The following GPR162 variants were observed in gnomAD, a reference collection of about 807,000 sequenced individuals.
The protein encoded by GPR162 is probable G protein-coupled receptor 162.
A neutral mutation model predicts 44.9 loss-of-function variants in GPR162; 26 were observed. The ratio of observed to expected loss-of-function variants is 0.58; its 90% CI spans 0.42 to 0.80. The LOEUF (loss-of-function observed/expected upper bound fraction) is 0.80. GPR162 is among the 30% of genes least tolerant of loss of function. The probability of loss-of-function intolerance (pLI) is 0.00; values close to 1 mark genes in which losing one functional copy is unlikely to be tolerated. For synonymous variants in GPR162, 363 were observed against 335.2 expected (o/e 1.08, Z -0.91); for missense variants, 704 against 802.3 (o/e 0.88, Z 1.48).
intron 4 of GPR162, 108 bp from the exon 5 acceptor site, chr12:6,826,545 C>G: frequency 8.5e-7 from 1 of 1,178,516 alleles, no homozygotes; most frequent in Non-Finnish European, 1.2e-6. Context: ...CCGGAGCAAA[C>G]GTTTTGAAGG....
chr12:6,823,468 C>T lies in GPR162; in HGVS notation c.-431C>T. The T allele has an allele frequency of 2.4e-6, 1 of 425,052 alleles. No individual in the cohort carries two copies. Among genetic ancestry groups the T allele is most frequent in the Non-Finnish European group, 4.2e-6 (1 of 238,672 alleles). The allele number at this position is 425,052 out of a possible 1,614,324, so 26.3% of individuals were successfully genotyped here. Reference sequence around the variant, plus strand: ...CCCACATCTCATCTTTCCCTTGCAGCCTGTCCAGGGGGCTGAGCCCCACCC... The same window carrying T: ...CCCACATCTCATCTTTCCCTTGCAGTCTGTCCAGGGGGCTGAGCCCCACCC... On this transcript the variant is annotated splice_region_variant and 5_prime_UTR_variant, in exon 2 of 5. Transcript: ENST00000311268.
At position 6,822,817 on chromosome 12, in the gene GPR162, C is replaced by T. The variant is rs1251032332; in HGVS notation, c.-431-651C>T. ...TTCAGATACTACCACTTTGCCCCCT[C>T]TTTCTCTTCTGCTCAAACTCTCCTC... is the stretch of plus-strand genomic sequence containing the variant. On this transcript the variant is annotated intron_variant, in intron 1 of 4. Coordinates refer to ENST00000311268, the MANE Select transcript of GPR162 (RefSeq NM_019858.2). This position sits in a 1 kb window ranked among gnomAD's most constrained non-coding sequence, Gnocchi z 4.2. 6.6e-6 allele frequency among the ~76,000 whole-genome samples: 1 copy of T among 152,108 alleles called. No homozygotes were observed. The highest frequency in any genetic ancestry group is 1.5e-5 in the Non-Finnish European group (1 of 68,022).
At position 6,822,488 on chromosome 12, in the gene GPR162, T is replaced by C. The variant is rs1456001346; in HGVS notation, c.-432+588T>C. On this transcript the variant is annotated intron_variant, in intron 1 of 4. Coordinates refer to ENST00000311268, the MANE Select transcript of GPR162 (RefSeq NM_019858.2). The surrounding 1 kb of genome is among the most constrained non-coding windows in gnomAD (Gnocchi z 4.2). ...TACCCCACTTACCCTAAAGCCATTA[T>C]GTGCTTCCTTACAGCCCCACTCTGT... Among the ~76,000 whole-genome samples the C allele has an allele frequency of 6.6e-6, 1 of 152,162 alleles. No individual in the cohort carries two copies. Among genetic ancestry groups the C allele is most frequent in the Non-Finnish European group, 1.5e-5 (1 of 68,016 alleles).
In GPR162 at chr12:6,824,703, G is replaced by A. The variant is rs782169178; in HGVS notation, c.805G>A (p.Val269Ile). ...GGAGTCTGCCAAGACATCCCTGCAG[G>A]TCACCAACTTGGTCAGCGCCATCGT... ...GSESAKTSLQ[V>I]TNLVSAIVFL... Residue 269 changes from valine to isoleucine, a missense_variant, in exon 2 of 5, where the codon GTC becomes ATC. By Grantham distance (29) the Val-to-Ile change is conservative (BLOSUM62 3). Transcript: ENST00000311268. 8 of 1,613,992 alleles carry A rather than the reference G, an allele frequency of 5.0e-6. No homozygotes were observed. In the East Asian group the frequency reaches 1.8e-4, roughly 36 times the overall value.
chr12:6,823,282 G>A (rs1226432447), intron 1 of GPR162, among the ~76,000 whole-genome samples, 186 bp from the exon 2 acceptor site: 5 of 152,198 alleles, frequency 3.3e-5, no homozygotes, highest in African/African-American at 9.7e-5. Flanking sequence ...GGAAGAGTGC[G>A]GCTCTCATCT....
rs200785572 is a variant in GPR162 at position 6,824,015 on chromosome 12, G to C, written c.117G>C (p.Ser39=). Residue 39 remains serine, a synonymous_variant, in exon 2 of 5, where the codon TCG becomes TCC. Transcript: ENST00000311268. ...LANAWIILSI[S]AKQQKHKPLE... ...ATGCCTGGATCATCCTCAGCATCTC[G>C]GCCAAGCAGCAGAAGCACAAGCCAC... is the stretch of plus-strand genomic sequence containing the variant. The C allele has an allele frequency of 6.2e-7, 1 of 1,609,994 alleles. No individual in the cohort carries two copies. Among genetic ancestry groups the C allele is most frequent in the South Asian group, 1.1e-5 (1 of 91,060 alleles).
intron 4 of GPR162, 47 bp from the exon 5 acceptor site, chr12:6,826,606 C>T (rs1943359760): frequency 1.4e-6 from 2 of 1,476,400 alleles, no homozygotes; most frequent in African/African-American, 1.4e-5. Context: ...CCTGCCTCTG[C>T]CTCTGTCCCT....
In GPR162 at chr12:6,822,953, T is replaced by G. The variant is rs1205299703; in HGVS notation, c.-431-515T>G. 2.0e-5 allele frequency among the ~76,000 whole-genome samples: 3 copies of G among 152,232 alleles called. No individual in the cohort carries two copies. Among genetic ancestry groups the G allele is most frequent in the African/African-American group, 7.2e-5 (3 of 41,460 alleles). ...CGGTCCCAGACTCCTTTCTCCCATT[T>G]TCCCAGATATGGGTAGCTGGAGGGT... On this transcript the variant is annotated intron_variant, in intron 1 of 4. Transcript: ENST00000311268. The surrounding 1 kb of genome is among the most constrained non-coding windows in gnomAD (Gnocchi z 4.2).
chr12:6,826,845 G>A lies in GPR162; in HGVS notation c.1408G>A (p.Glu470Lys). 2 of 1,611,792 alleles carry A rather than the reference G, an allele frequency of 1.2e-6. No homozygotes were observed. The highest frequency in any genetic ancestry group is 1.7e-6 in the Non-Finnish European group (2 of 1,178,806). The change falls in exon 5 of 5, where the codon GAG becomes AAG. Residue 470 changes from glutamate (E) to lysine (K), a missense_variant. Transcript: ENST00000311268. ...GTTGGAGGACGAGGAGGACGAGGAA[G>A]AGGCTGAAGGTGGGGGGCTGGCCAG... ...HRLEDEEDEE[E>K]AEGGGLASLR...
chr12:6,826,590 T>A, intron 4 of GPR162, 63 bp from the exon 5 acceptor site: 3 of 1,426,400 alleles, frequency 2.1e-6, no homozygotes, highest in Non-Finnish European at 2.8e-6. Flanking sequence ...GAGTCCCCAC[T>A]TGGTTCCTGC....
At chr12:6,826,530 GCC>G (rs1284338378) in intron 4 of GPR162, 121 bp from the exon 5 acceptor site, 14 of 1,108,444 alleles carry the variant, frequency 1.3e-5, no homozygotes, top group Non-Finnish European at 1.8e-5. Context: ...GGCCAGGTTT[GCC>G]CACCGGAGCA....
chr12:6,826,716 G>C lies in GPR162; in HGVS notation c.1279G>C (p.Gly427Arg). Reference sequence around the variant, plus strand: ...CATCTTCTCTACCCCTCGGGAACCAGGCTCCTTCCTGCACAAGTGGTCATC... The same window carrying C: ...CATCTTCTCTACCCCTCGGGAACCACGCTCCTTCCTGCACAAGTGGTCATC... ...TNIFSTPREP[G>R]SFLHKWSSSD... The change falls in exon 5 of 5, where the codon GGC becomes CGC. Residue 427 changes from glycine (G) to arginine (R), a missense_variant. Transcript: ENST00000311268. The C allele has an allele frequency of 6.4e-7, 1 of 1,560,646 alleles. No homozygotes were observed.
Position 6,824,569 on chromosome 12 carries a change from G to A in GPR162, c.671G>A (p.Gly224Glu). ...GCCCGGAGAGTGGGGGGTGGTGGGG[G>A]GACCAAAGCGGGTGGGCCAGGGGCC... ...RQARRVGGGG[G>E]TKAGGPGALG... The change falls in exon 2 of 5, where the codon GGG becomes GAG. Residue 224 changes from glycine to glutamate, a missense_variant. This residue lies in a region of GPR162 where 56 missense variants were observed against 47.2 expected (regional missense o/e 1.19). Coordinates refer to ENST00000311268, the MANE Select transcript of GPR162 (RefSeq NM_019858.2). 3 of 1,604,902 alleles carry A rather than the reference G, an allele frequency of 1.9e-6. No individual in the cohort carries two copies. Among genetic ancestry groups the A allele is most frequent in the South Asian group, 2.2e-5 (2 of 89,642 alleles).
In GPR162 at chr12:6,826,728, C is replaced by A. The variant is rs1206983707; in HGVS notation, c.1291C>A (p.His431Asn). The A allele has an allele frequency of 6.3e-7, 1 of 1,580,318 alleles. No homozygotes were observed. Among genetic ancestry groups the A allele is most frequent in the South Asian group, 1.2e-5 (1 of 85,866 alleles). ...CCCTCGGGAACCAGGCTCCTTCCTG[C>A]ACAAGTGGTCATCCTCTGATGACAT... ...STPREPGSFL[H>N]KWSSSDDIRV... The change falls in exon 5 of 5, where the codon CAC (histidine) becomes AAC (asparagine). Residue 431 changes from histidine to asparagine, a missense_variant. By Grantham distance (68) the His-to-Asn change is moderately conservative. Coordinates refer to ENST00000311268, the MANE Select transcript of GPR162 (RefSeq NM_019858.2).
intron 3 of GPR162, 35 bp from the exon 4 acceptor site, chr12:6,826,161 C>G: frequency 1.9e-6 from 3 of 1,592,170 alleles, no homozygotes; most frequent in South Asian, 1.1e-5. Flanking sequence ...TAGGCATTCC[C>G]TACCTGTAAC....
chr12:6,825,735 C>T (rs972174919), intron 3 of GPR162, 62 bp downstream of exon 3: 1 of 1,412,470 alleles, frequency 7.1e-7, no homozygotes, highest in Non-Finnish European at 9.7e-7. Flanking sequence ...TTCTGCCGCT[C>T]CTTCTCAGCC....
At position 6,826,222 on chromosome 12, in the gene GPR162, G is replaced by GGCC. The variant is rs781880279; in HGVS notation, c.1086_1088dup (p.Arg363dup). ...TGGGGGCTGTGACGACTATGCAGAGGGCCGAGTTTGCAAAGTTCGCTTTGA... is the reference window on the plus strand; with the variant it reads ...TGGGGGCTGTGACGACTATGCAGAGGGCCGCCGAGTTTGCAAAGTTCGCTTTGA... On this transcript the variant is annotated inframe_insertion, in exon 4 of 5. Coordinates refer to ENST00000311268, the MANE Select transcript of GPR162 (RefSeq NM_019858.2). 6.2e-7 allele frequency: 1 copy of GGCC among 1,614,014 alleles called. No individual in the cohort carries two copies. Among genetic ancestry groups the GGCC allele is most frequent in the Non-Finnish European group, 8.5e-7 (1 of 1,179,956 alleles).
chr12:6,823,700 G>C lies in GPR162; in HGVS notation c.-199G>C, dbSNP rs1244784404. ...TGAGGATTGCCTCTGCTGACCCTCA[G>C]TCTCCTCCCCTGCCCTCTACATCTG... On this transcript the variant is annotated 5_prime_UTR_variant, in exon 2 of 5. Transcript: ENST00000311268. 43 of 1,536,338 alleles carry C rather than the reference G, an allele frequency of 2.8e-5. No individual in the cohort carries two copies. Among genetic ancestry groups the C allele is most frequent in the Non-Finnish European group, 3.6e-5 (40 of 1,117,584 alleles).
Position 6,824,242 on chromosome 12 carries a change from G to A in GPR162, c.344G>A (p.Arg115His), listed in dbSNP as rs1231088025. ...ACGGTCGCCTCCCTCTCCTACCATC[G>A]CATGTGGATGGTGCGCTGGCCCGTC... Reference protein sequence around the residue: ...CFTVASLSYHRMWMVRWPVNY... With the variant: ...CFTVASLSYHHMWMVRWPVNY... The change falls in exon 2 of 5, where the codon CGC becomes CAC. Residue 115 changes from arginine to histidine, a missense_variant. By Grantham distance (29) the Arg-to-His change is conservative (BLOSUM62 0). Coordinates refer to ENST00000311268, the MANE Select transcript of GPR162 (RefSeq NM_019858.2). 3.7e-6 allele frequency: 6 copies of A among 1,613,982 alleles called. No individual in the cohort carries two copies. The highest frequency in any genetic ancestry group is 2.5e-6 in the Non-Finnish European group (3 of 1,180,020).
Sources: allele counts gnomAD v4.1 joint callset (sites outside exome capture counted in the v4.1 genomes callset), GRCh38; gene constraint gnomAD v4.1.1; regional missense constraint gnomAD v4.1.1; non-coding constraint Gnocchi (gnomAD v3.1); transcripts MANE v1.5; gene names NCBI Gene and HGNC (gene_info 2026-07-23, HGNC 2026-07-21).